TBX5: variants seen among roughly 807,000 people sequenced by gnomAD.
TBX5 encodes T-box transcription factor TBX5.
A neutral mutation model predicts 51.1 loss-of-function variants in TBX5; 8 were observed. The observed-to-expected ratio is 0.16, with a 90% CI of 0.09 to 0.28. The LOEUF (loss-of-function observed/expected upper bound fraction) is 0.28, where lower values mean the gene tolerates loss of function less well. TBX5 is among the 10% of genes least tolerant of loss of function. The probability of loss-of-function intolerance (pLI) is 1.00; values close to 1 mark genes in which losing one functional copy is unlikely to be tolerated. For missense variants in TBX5, 589 were observed against 671.7 expected, an observed-to-expected ratio of 0.88 and a Z score of 1.36; for synonymous variants, 302 against 266.4, an observed-to-expected ratio of 1.13 and a Z score of -1.30.
chr12:114,385,104 C>A (rs369040346), intron 7 of TBX5, among the ~76,000 whole-genome samples: 354 of 141,754 alleles, frequency 2.5e-3, no homozygotes, highest in Admixed American at 3.3e-3. Flanking sequence ...GAGCTGTTGC[C>A]AAAAAAAAAA....
intron 6 of TBX5, among the ~76,000 whole-genome samples, chr12:114,391,672 C>T (rs939909029): frequency 6.6e-6 from 1 of 152,196 alleles, no homozygotes; most frequent in African/African-American, 2.4e-5. Flanking sequence ...CACCTTAACC[C>T]TATGCGATGG....
chr12:114,377,052 C>T (rs1870230518), intron 7 of TBX5, among the ~76,000 whole-genome samples: 1 of 152,114 alleles, frequency 6.6e-6, no homozygotes, highest in Admixed American at 6.5e-5. Flanking sequence ...GGCTCAGCTC[C>T]CCAGACACAA....
chr12:114,401,350 G>A (rs897013291), intron 3 of TBX5, among the ~76,000 whole-genome samples: 2 of 152,214 alleles, frequency 1.3e-5, no homozygotes, highest in Non-Finnish European at 2.9e-5. Flanking sequence ...TGACAATCGG[G>A]TGGGACCCTG....
chr12:114,384,809 T>C (rs906961646), intron 7 of TBX5, among the ~76,000 whole-genome samples: 3 of 151,852 alleles, frequency 2.0e-5, no homozygotes, highest in East Asian at 1.9e-4. Context: ...GCTTGCCATA[T>C]GGTAAGTTAT....
intron 3 of TBX5, among the ~76,000 whole-genome samples, chr12:114,399,850 G>A (rs935134038): frequency 1.3e-5 from 2 of 152,166 alleles, no homozygotes; most frequent in African/African-American, 4.8e-5. Context: ...GGCAACTGTA[G>A]GTAACCTAAG....
rs535942637 is a variant in TBX5 at position 114,372,043 on chromosome 12, G to A, written c.756-5652C>T. On this transcript the variant is annotated intron_variant, in intron 7 of 8. Coordinates refer to ENST00000405440, the MANE Select transcript of TBX5 (RefSeq NM_181486.4). ...TCACTTATAAGTGGAGCTAAAGAATGTGTACAACCTGGGCGTGGACATAGA... is the reference window on the plus strand; with the variant it reads ...TCACTTATAAGTGGAGCTAAAGAATATGTACAACCTGGGCGTGGACATAGA... Among the ~76,000 whole-genome samples, 5 of 152,310 alleles carry A rather than the reference G, an allele frequency of 3.3e-5. No homozygotes were observed. In the East Asian group the frequency reaches 9.6e-4, roughly 29 times the overall value.
At chr12:114,396,337 G>T (rs1020033010) in intron 5 of TBX5, among the ~76,000 whole-genome samples, 1 of 152,064 alleles carries the variant, frequency 6.6e-6, no homozygotes, top group South Asian at 2.1e-4. Context: ...GGCCGGCGGG[G>T]CCATCGGCCC....
chr12:114,401,258 A>G (rs1179325695), intron 3 of TBX5, among the ~76,000 whole-genome samples: 1 of 152,176 alleles, frequency 6.6e-6, no homozygotes, highest in African/African-American at 2.4e-5. Context: ...AGCCCGGCCG[A>G]GCCCCGGTTC....
chr12:114,396,138 G>A (rs1354323312), intron 5 of TBX5, among the ~76,000 whole-genome samples: 1 of 152,076 alleles, frequency 6.6e-6, no homozygotes, highest in African/African-American at 2.4e-5. Flanking sequence ...AGTTGGGGGA[G>A]GCGAGCCGCG....
At chr12:114,370,979 C>T (rs12424010) in intron 7 of TBX5, among the ~76,000 whole-genome samples, 15,031 of 151,880 alleles carry the variant, frequency 0.099, 878 homozygotes, top group South Asian at 0.18. Context: ...AATGGTGGAA[C>T]GGGGATGAGT....
At chr12:114,387,105 CAAA>C in intron 6 of TBX5, among the ~76,000 whole-genome samples, 1 of 147,566 alleles carries the variant, frequency 6.8e-6, no homozygotes, top group Non-Finnish European at 1.5e-5. Flanking sequence ...AATTCCGTCT[CAAA>C]AAAAAAACAA....
rs1183256015 is a variant in TBX5 at position 114,398,574 on chromosome 12, T to A, written c.509A>T (p.His170Leu). The A allele has an allele frequency of 6.2e-7, 1 of 1,613,038 alleles. No homozygotes were observed. The highest frequency in any genetic ancestry group is 8.5e-7 in the Non-Finnish European group (1 of 1,179,646). The part of the protein sequence containing the change: ...LTNNHLDPFG[H>L]IILNSMHKYQ... ...GGGAATCCAGGCCACGGTACTCACA[T>A]GCCCAAATGGGTCCAGGTGGTTGTT... Residue 170 changes from histidine (H) to leucine (L), a missense_variant and splice_region_variant, in exon 5 of 9, where the codon CAT (histidine) becomes CTT (leucine). Coordinates refer to ENST00000405440, the MANE Select transcript of TBX5 (RefSeq NM_181486.4).
At chr12:114,393,593 A>G (rs1871269818) in intron 6 of TBX5, among the ~76,000 whole-genome samples, 1 of 152,188 alleles carries the variant, frequency 6.6e-6, no homozygotes, top group African/African-American at 2.4e-5. Flanking sequence ...TCTCCTGAGG[A>G]AAAAGAGAAG....
chr12:114,383,244 T>C (rs1870612342), intron 7 of TBX5, among the ~76,000 whole-genome samples: 1 of 151,978 alleles, frequency 6.6e-6, no homozygotes, highest in Admixed American at 6.6e-5. Context: ...GGAAAGCTTC[T>C]TGAAGGAAGG....
In TBX5 at chr12:114,356,252, T is replaced by G. The variant is rs2113433; in HGVS notation, c.983-146A>C. ...CCATTCTGAATACAAAAAAAGGGGG[T>G]TGGATTGTAATGGTTAAGACCTTGG... On this transcript the variant is annotated intron_variant, in intron 8 of 8. Coordinates refer to ENST00000405440, the MANE Select transcript of TBX5 (RefSeq NM_181486.4). The G allele has an allele frequency of 0.8, 638,236 of 800,446 alleles. 256,079 individuals are homozygous for G. Among genetic ancestry groups the G allele is most frequent in the East Asian group, 0.9 (34,241 of 38,114 alleles). The allele number at this position is 800,446 out of a possible 1,614,324, so 49.6% of individuals were successfully genotyped here. A position where few individuals can be genotyped will look rare whatever the true frequency, so the allele number is the denominator to read the frequency against.
intron 5 of TBX5, among the ~76,000 whole-genome samples, chr12:114,395,332 C>A (rs1871359606): frequency 6.6e-6 from 1 of 152,032 alleles, no homozygotes. Flanking sequence ...AACCCCCACT[C>A]CCCAAATCTC....
intron 7 of TBX5, among the ~76,000 whole-genome samples, chr12:114,372,014 G>A (rs1272582903): frequency 1.3e-5 from 2 of 152,162 alleles, no homozygotes; most frequent in Non-Finnish European, 2.9e-5. Flanking sequence ...GGGACACAAT[G>A]TTCTCACTTA....
intron 7 of TBX5, among the ~76,000 whole-genome samples, chr12:114,385,235 G>A (rs188716840): frequency 1.8e-4 from 28 of 152,312 alleles, no homozygotes; most frequent in African/African-American, 5.5e-4. Context: ...AATGGAGAAT[G>A]CCGAACTCTT....
intron 6 of TBX5, among the ~76,000 whole-genome samples, chr12:114,390,336 T>TC (rs1871087187): frequency 6.6e-6 from 1 of 152,238 alleles, no homozygotes; most frequent in African/African-American, 2.4e-5. Context: ...CACAAACTGA[T>TC]ACACCTGGAT....
Sources: gnomAD v4.1 joint callset for allele counts (sites outside exome capture counted in the v4.1 genomes callset) on GRCh38, gnomAD v4.1.1 for gene constraint, MANE v1.5 for transcripts, NCBI Gene and HGNC (gene_info 2026-07-23, HGNC 2026-07-21) for gene names.